The following IL1RAP variants were observed in gnomAD, a reference collection of about 807,000 sequenced individuals.
IL1RAP encodes the protein interleukin-1 receptor accessory protein.
Under a neutral mutation model 60.7 loss-of-function variants are expected in IL1RAP, and 35 were observed. That is an observed-to-expected ratio of 0.58 (90% CI 0.44 to 0.76). The LOEUF is 0.76. Among genes scored for constraint, IL1RAP ranks in the 30% least tolerant of loss-of-function variants. The pLI, the probability that IL1RAP is intolerant of heterozygous loss-of-function variation, is 0.00. For missense variants in IL1RAP, 572 were observed against 693.9 expected, an observed-to-expected ratio of 0.82 and a Z score of 1.97; for synonymous variants, 268 against 250.9, an observed-to-expected ratio of 1.07 and a Z score of -0.64.
At chr3:190,655,876 C>T (rs193166420), downstream of IL1RAP, 1 of 1,524,118 alleles carries the variant, frequency 6.6e-7, no homozygotes, top group African/African-American at 1.4e-5. Context: ...CCTATATTTC[C>T]ATTTTCCTAT....
chr3:190,638,089 A>G (rs1733368551), intron 9 of IL1RAP, among the ~76,000 whole-genome samples: 1 of 152,134 alleles, frequency 6.6e-6, no homozygotes, highest in Non-Finnish European at 1.5e-5. Context: ...TCTTTTGAAT[A>G]AAGCTTCTGT....
At chr3:190,588,689 G>C (rs1252008366) in intron 3 of IL1RAP, among the ~76,000 whole-genome samples, 1 of 152,116 alleles carries the variant, frequency 6.6e-6, no homozygotes, top group East Asian at 1.9e-4. Context: ...TAGAATGTTT[G>C]TTTTCTTCAC....
intron 1 of IL1RAP, among the ~76,000 whole-genome samples, chr3:190,519,749 T>A (rs1721847619): frequency 6.6e-6 from 1 of 152,154 alleles, no homozygotes; most frequent in African/African-American, 2.4e-5. Flanking sequence ...ATCTCTATTG[T>A]TATTATTATT....
chr3:190,546,169 C>T (rs754060443), intron 1 of IL1RAP, among the ~76,000 whole-genome samples: 21 of 152,212 alleles, frequency 1.4e-4, no homozygotes, highest in Non-Finnish European at 2.9e-5. Flanking sequence ...GGACTTCGAA[C>T]CTGCAAGATA....
Position 190,604,131 on chromosome 3 carries a change from G to A in IL1RAP, c.68G>A (p.Arg23His), listed in dbSNP as rs145747140. The A allele has an allele frequency of 6.5e-4, 1,045 of 1,613,358 alleles. No individual in the cohort carries two copies. Among genetic ancestry groups the A allele is most frequent in the Non-Finnish European group, 8.0e-4 (948 of 1,179,736 alleles). Residue 23 changes from arginine (R) to histidine (H), a missense_variant, in exon 4 of 12, where the codon CGC (arginine) becomes CAC (histidine). Coordinates refer to ENST00000447382, the MANE Select transcript of IL1RAP (RefSeq NM_002182.4). ...YGILQSDASE[R>H]CDDWGLDTMR... ...CTTTCTTTTTTGATTATTCCAGAAC[G>A]CTGCGATGACTGGGGACTAGACACC... is the stretch of plus-strand genomic sequence containing the variant.
At chr3:190,631,197 T>C (rs895416517) in intron 9 of IL1RAP, among the ~76,000 whole-genome samples, 45 of 152,174 alleles carry the variant, frequency 3.0e-4, no homozygotes, top group Non-Finnish European at 5.4e-4. Context: ...TATGGAGCTT[T>C]TTGTGGGGAT....
intron 1 of IL1RAP, among the ~76,000 whole-genome samples, chr3:190,526,114 T>C (rs1467540036): frequency 6.6e-6 from 1 of 152,254 alleles, no homozygotes; most frequent in Admixed American, 6.5e-5. Context: ...CGTGCACATA[T>C]AATCTCATAC....
At chr3:190,598,976 A>G (rs1729619616) in intron 3 of IL1RAP, among the ~76,000 whole-genome samples, 1 of 152,142 alleles carries the variant, frequency 6.6e-6, no homozygotes. Flanking sequence ...TTTAATTTGT[A>G]TGTTTTTGTA....
At chr3:190,592,115 G>A (rs1365814631) in intron 3 of IL1RAP, among the ~76,000 whole-genome samples, 3 of 152,112 alleles carry the variant, frequency 2.0e-5, no homozygotes, top group African/African-American at 4.8e-5. Flanking sequence ...TGCCTCCCGG[G>A]GTCAAGTGAT....
chr3:190,529,640 G>A (rs1454701902), intron 1 of IL1RAP, among the ~76,000 whole-genome samples: 6 of 139,294 alleles, frequency 4.3e-5, no homozygotes, highest in South Asian at 2.3e-4. Context: ...AGCCGAGATC[G>A]CGCCACTGCA....
intron 5 of IL1RAP, among the ~76,000 whole-genome samples, chr3:190,612,629 A>G (rs902323588): frequency 6.6e-6 from 1 of 152,100 alleles, no homozygotes; most frequent in Non-Finnish European, 1.5e-5. Flanking sequence ...TCCTCGATTT[A>G]CTATGGTTTG....
chr3:190,571,379 G>A (rs1237703151), intron 3 of IL1RAP, among the ~76,000 whole-genome samples: 1 of 151,920 alleles, frequency 6.6e-6, no homozygotes, highest in African/African-American at 2.4e-5. Flanking sequence ...AGCTGAGTAT[G>A]GTGATGCACA....
chr3:190,594,772 A>T (rs760529899), intron 3 of IL1RAP, among the ~76,000 whole-genome samples: 10 of 152,260 alleles, frequency 6.6e-5, no homozygotes, highest in South Asian at 2.1e-4. Context: ...GTGGTTTGCC[A>T]AAGATCACAG....
intron 3 of IL1RAP, among the ~76,000 whole-genome samples, chr3:190,601,879 G>C (rs6444439): frequency 0.99 from 150,308 of 152,262 alleles, 74,195 homozygotes; most frequent in Middle Eastern, 1. Context: ...ATATGCTTTT[G>C]TGGACTTGTT....
intron 1 of IL1RAP, chr3:190,550,303 A>G (rs2108587258): frequency 6.6e-6 from 1 of 152,256 alleles, no homozygotes; most frequent in South Asian, 2.1e-4. Context: ...CTCTGTTATC[A>G]TGGCCTCTGG....
At chr3:190,576,910 G>A (rs935508965) in intron 3 of IL1RAP, among the ~76,000 whole-genome samples, 14 of 151,748 alleles carry the variant, frequency 9.2e-5, no homozygotes, top group African/African-American at 2.9e-4. Flanking sequence ...TCAGGAGATC[G>A]AGAGCACGGT....
chr3:190,617,847 G>A (rs1420049545), intron 5 of IL1RAP, among the ~76,000 whole-genome samples: 1 of 152,166 alleles, frequency 6.6e-6, no homozygotes, highest in Non-Finnish European at 1.5e-5. Flanking sequence ...CATTTGTAGT[G>A]TAACAATGCC....
Position 190,627,404 on chromosome 3 carries a change from G to GA in IL1RAP, c.864dup (p.Pro289ThrfsTer2). On this transcript the variant is annotated frameshift_variant, in exon 8 of 12. Transcript: ENST00000447382. LOFTEE classifies it high-confidence loss of function. ...AATGAGGTTTGGTGGACCATTGATG[G>GA]AAAAAAACCTGATGACATCACTATT... The GA allele has an allele frequency of 6.2e-7, 1 of 1,613,170 alleles. No homozygotes were observed. The highest frequency in any genetic ancestry group is 8.5e-7 in the Non-Finnish European group (1 of 1,179,620).
chr3:190,556,634 T>C (rs932849317), intron 2 of IL1RAP, among the ~76,000 whole-genome samples: 1 of 152,208 alleles, frequency 6.6e-6, no homozygotes, highest in African/African-American at 2.4e-5. Flanking sequence ...CAACTAAAAC[T>C]ATCTTCTTTG....
Sources: gnomAD v4.1 joint callset for allele counts (sites outside exome capture counted in the v4.1 genomes callset) on GRCh38, gnomAD v4.1.1 for gene constraint, MANE v1.5 for transcripts, NCBI Gene and HGNC (gene_info 2026-07-23, HGNC 2026-07-21) for gene names.